PP2D1: variants seen among roughly 807,000 people sequenced by gnomAD.
The protein encoded by PP2D1 is protein phosphatase 2C-like domain-containing protein 1.
A neutral mutation model predicts 30.2 loss-of-function variants in PP2D1; 25 were observed. The ratio of observed to expected loss-of-function variants is 0.83; its 90% CI spans 0.60 to 1.16. The LOEUF (loss-of-function observed/expected upper bound fraction) is 1.16. PP2D1 is among the 50% of genes most tolerant of loss of function. The pLI, the probability that PP2D1 is intolerant of heterozygous loss-of-function variation, is 0.00. For missense variants in PP2D1, 760 were observed against 742.4 expected, an observed-to-expected ratio of 1.02 and a Z score of -0.28; for synonymous variants, 260 against 258.9, an observed-to-expected ratio of 1.00 and a Z score of -0.04.
At chr3:19,986,275 C>T (rs1697033436) in intron 2 of PP2D1, 93 bp from the exon 3 acceptor site, 1 of 905,652 alleles carries the variant, frequency 1.1e-6, no homozygotes. Flanking sequence ...TTCTGTGTTT[C>T]AATGCTAAAC....
chr3:19,992,033 G>A (rs1232139906), intron 2 of PP2D1, among the ~76,000 whole-genome samples: 1 of 152,130 alleles, frequency 6.6e-6, no homozygotes, highest in Non-Finnish European at 1.5e-5. Flanking sequence ...TCTGTATCCA[G>A]TTTTTCTTCA....
intron 2 of PP2D1, among the ~76,000 whole-genome samples, chr3:19,990,297 A>T (rs1034985233): frequency 1.3e-5 from 2 of 152,032 alleles, no homozygotes; most frequent in African/African-American, 4.8e-5. Flanking sequence ...GGCATGTTCC[A>T]CCACACCTGG....
chr3:20,008,516 G>C (rs967928655), intron 1 of PP2D1, among the ~76,000 whole-genome samples: 7 of 152,036 alleles, frequency 4.6e-5, no homozygotes, highest in African/African-American at 1.7e-4. Flanking sequence ...GCAGGGAGCC[G>C]AGATCACGCC....
chr3:19,982,305 A>C (rs13085450), downstream of PP2D1, among the ~76,000 whole-genome samples: 109,521 of 152,034 alleles, frequency 0.72, 40,120 homozygotes, highest in Non-Finnish European at 0.77. Context: ...TTGAGTATGT[A>C]TAAATGTATG....
chr3:19,990,215 G>A (rs772652816), intron 2 of PP2D1, among the ~76,000 whole-genome samples: 4 of 152,134 alleles, frequency 2.6e-5, no homozygotes, highest in Non-Finnish European at 5.9e-5. Flanking sequence ...CATGATCACG[G>A]CTTACTGCAG....
chr3:20,011,487 GTTCA>G (rs1697385591), intron 1 of PP2D1, among the ~76,000 whole-genome samples: 1 of 151,964 alleles, frequency 6.6e-6, no homozygotes, highest in South Asian at 2.1e-4. Context: ...TCATTCATAT[GTTCA>G]TTCATTCATA....
At chr3:19,995,659 A>G (rs1380715177) in intron 2 of PP2D1, among the ~76,000 whole-genome samples, 1 of 152,208 alleles carries the variant, frequency 6.6e-6, no homozygotes, top group African/African-American at 2.4e-5. Context: ...ATTGAAACCA[A>G]CTCCAAAATG....
intron 2 of PP2D1, among the ~76,000 whole-genome samples, chr3:19,991,928 G>A (rs2125139623): frequency 6.6e-6 from 1 of 152,268 alleles, no homozygotes; most frequent in Non-Finnish European, 1.5e-5. Flanking sequence ...GGAACTTAGG[G>A]AAAATTGAAA....
intron 1 of PP2D1, among the ~76,000 whole-genome samples, chr3:20,007,683 G>C (rs1414995575): frequency 1.3e-5 from 2 of 150,222 alleles, no homozygotes; most frequent in African/African-American, 4.9e-5. Flanking sequence ...CAGGAGAATC[G>C]CTTGAACCCG....
chr3:20,003,395 T>G (rs2948105), intron 1 of PP2D1, among the ~76,000 whole-genome samples: 1 of 150,404 alleles, frequency 6.6e-6, no homozygotes, highest in Admixed American at 6.6e-5. Flanking sequence ...TTTTTTTTTT[T>G]AAAAAAAAGG....
intron 1 of PP2D1, among the ~76,000 whole-genome samples, chr3:20,009,644 C>A (rs1302392594): frequency 1.3e-5 from 2 of 152,096 alleles, no homozygotes; most frequent in African/African-American, 4.8e-5. Context: ...GCAAAAATCA[C>A]TTCTAGGAAG....
intron 1 of PP2D1, among the ~76,000 whole-genome samples, chr3:20,004,172 T>C (rs1697289435): frequency 6.6e-6 from 1 of 152,212 alleles, no homozygotes. Context: ...TACAATGTCT[T>C]ATTGTACCTC....
chr3:20,011,874 A>C (rs918978004), intron 1 of PP2D1, among the ~76,000 whole-genome samples, 176 bp downstream of exon 1: 3 of 152,110 alleles, frequency 2.0e-5, no homozygotes, highest in Non-Finnish European at 4.4e-5. Flanking sequence ...GAGCATAGAG[A>C]GGAATGGAAT....
downstream of PP2D1, among the ~76,000 whole-genome samples, chr3:19,983,405 A>T (rs1157513080): frequency 6.6e-6 from 1 of 151,664 alleles, no homozygotes; most frequent in African/African-American, 2.4e-5. Flanking sequence ...CTTTTCTGGT[A>T]TTATTGAGTG....
intron 1 of PP2D1, among the ~76,000 whole-genome samples, chr3:20,009,918 A>G (rs905632152): frequency 2.0e-5 from 3 of 152,166 alleles, no homozygotes; most frequent in African/African-American, 7.2e-5. Flanking sequence ...AACTATTTGA[A>G]TTTTGGGAAG....
At position 19,986,018 on chromosome 3, in the gene PP2D1, C is replaced by T; in HGVS notation, c.1255G>A (p.Gly419Arg). Residue 419 changes from glycine (G) to arginine (R), a missense_variant, in exon 3 of 3, where the codon GGA becomes AGA. This residue lies in a region of PP2D1 where 369 missense variants were observed against 316.2 expected (regional missense o/e 1.17). Coordinates refer to ENST00000389050, the MANE Select transcript of PP2D1 (RefSeq NM_001252657.2). ...LVEGQVKTTR[G>R]LGFHGNLKLK... is the part of the protein sequence containing the mutation. ...TTGAGATTTCCATGAAATCCAAGTC[C>T]TCGTGTAGTTTTTACTTGCCCCTCT... The T allele has an allele frequency of 1.3e-6, 2 of 1,536,012 alleles. No homozygotes were observed. Among genetic ancestry groups the T allele is most frequent in the South Asian group, 2.4e-5 (2 of 84,052 alleles).
At chr3:19,997,789 C>T (rs766638720) in intron 2 of PP2D1, among the ~76,000 whole-genome samples, 4 of 152,134 alleles carry the variant, frequency 2.6e-5, no homozygotes, top group African/African-American at 4.8e-5. Context: ...TGTTCTCTCT[C>T]ATATGTGGGT....
chr3:19,993,792 T>G (rs560243312), intron 2 of PP2D1, among the ~76,000 whole-genome samples: 1 of 152,184 alleles, frequency 6.6e-6, no homozygotes, highest in Non-Finnish European at 1.5e-5. Flanking sequence ...CAGGCTGGAG[T>G]GCAGTAGTGC....
downstream of PP2D1, chr3:19,983,748 A>G: frequency 6.2e-7 from 1 of 1,612,600 alleles, no homozygotes; most frequent in Non-Finnish European, 8.5e-7. Flanking sequence ...ATCCAGGAGC[A>G]AATTCTGCCA....
Sources: allele counts gnomAD v4.1 joint callset (sites outside exome capture counted in the v4.1 genomes callset), GRCh38; gene constraint gnomAD v4.1.1; regional missense constraint gnomAD v4.1.1; transcripts MANE v1.5; gene names NCBI Gene and HGNC (gene_info 2026-07-23, HGNC 2026-07-21).